Variants in AFF3 observed in about 807,000 individuals in gnomAD.
The protein encoded by AFF3 is ALF transcription elongation factor 3.
Under a neutral mutation model 129.7 loss-of-function variants are expected in AFF3, and 32 were observed. The observed-to-expected ratio is 0.25, with a 90% CI of 0.19 to 0.33. The LOEUF (loss-of-function observed/expected upper bound fraction) is 0.33, where lower values mean the gene tolerates loss of function less well. Among genes scored for constraint, AFF3 ranks in the 10% least tolerant of loss-of-function variants. The probability of loss-of-function intolerance (pLI) is 1.00; values close to 1 mark genes in which losing one functional copy is unlikely to be tolerated. For missense variants in AFF3, 1,373 were observed against 1,592.0 expected (o/e 0.86, Z 2.34); for synonymous variants, 644 against 635.4 (o/e 1.01, Z -0.20).
intron 13 of AFF3, among the ~76,000 whole-genome samples, chr2:99,612,662 C>T (rs1479315982): frequency 1.3e-5 from 2 of 152,148 alleles, no homozygotes; most frequent in East Asian, 3.8e-4. Context: ...TTGCTTTTTC[C>T]CTGGGAGAGG....
chr2:100,062,078 G>C (rs1011606678), intron 4 of AFF3, among the ~76,000 whole-genome samples: 4 of 152,238 alleles, frequency 2.6e-5, no homozygotes, highest in Non-Finnish European at 5.9e-5. Context: ...GCCAGATGTA[G>C]AATTTATGAT....
chr2:99,661,690 T>C (rs538006999), intron 12 of AFF3, among the ~76,000 whole-genome samples: 1 of 152,232 alleles, frequency 6.6e-6, no homozygotes, highest in African/African-American at 2.4e-5. Context: ...CATTTCAATT[T>C]TGGAAATTAT....
chr2:99,687,095 C>T (rs1045962985), intron 11 of AFF3, among the ~76,000 whole-genome samples: 3 of 152,174 alleles, frequency 2.0e-5, no homozygotes, highest in Non-Finnish European at 2.9e-5. Context: ...GTCCCAGGAT[C>T]TTTTAAACAG....
intron 4 of AFF3, among the ~76,000 whole-genome samples, chr2:100,104,023 G>A (rs1184831293): frequency 6.6e-6 from 1 of 151,636 alleles, no homozygotes; most frequent in African/African-American, 2.4e-5. Context: ...AGGAGGGAGG[G>A]GGCGCAGTCG....
intron 7 of AFF3, among the ~76,000 whole-genome samples, chr2:99,903,072 T>C (rs894832339): frequency 6.6e-6 from 1 of 152,158 alleles, no homozygotes; most frequent in African/African-American, 2.4e-5. Context: ...AATAAGTAAA[T>C]AGTTGCTTAG....
rs751448316 is a variant in AFF3 at position 100,123,604 on chromosome 2, G to A, written c.-145+5620C>T. Among the ~76,000 whole-genome samples the A allele has an allele frequency of 5.3e-5, 8 of 152,224 alleles. 1 individual carries two copies. The highest frequency in any genetic ancestry group is 4.6e-4 in the Admixed American group (7 of 15,290). ...CGTTTTGTATTTGTAAAACGGCATC[G>A]ATAGTGTTGAATAGTGTAGAATAAA... On this transcript the variant is annotated intron_variant, in intron 2 of 24. Coordinates refer to ENST00000672756, the MANE Select transcript of AFF3 (RefSeq NM_001386135.1).
At position 100,113,198 on chromosome 2, in the gene AFF3, A is replaced by G. The variant is rs577841535; in HGVS notation, c.-144-7615T>C. Among the ~76,000 whole-genome samples the G allele has an allele frequency of 6.6e-5, 10 of 152,302 alleles. No homozygotes were observed. In the South Asian group the frequency reaches 1.9e-3, roughly 28 times the overall value. On this transcript the variant is annotated intron_variant, in intron 2 of 24. Transcript: ENST00000672756. ...ATCACATAAGTCATTTCAGATATTG[A>G]TTTACTGAACAAACATTATTGAACA...
chr2:100,117,627 T>C (rs1325920231), intron 2 of AFF3, among the ~76,000 whole-genome samples: 1 of 152,266 alleles, frequency 6.6e-6, no homozygotes, highest in East Asian at 1.9e-4. Context: ...CTATCTGTTG[T>C]TTCTGCTGAC....
At chr2:100,139,363 CAT>C (rs1457005698) in intron 1 of AFF3, among the ~76,000 whole-genome samples, 1 of 152,150 alleles carries the variant, frequency 6.6e-6, no homozygotes, top group Admixed American at 6.5e-5. Flanking sequence ...TAATTGGTAA[CAT>C]ATTGCCGATT....
At position 99,999,431 on chromosome 2, in the gene AFF3, A is replaced by G. The variant is rs939585516; in HGVS notation, c.873+7201T>C. ...ACCCAATAAGTATCTATTGAGCACA[A>G]ACTATGTGCCAGGAACCATTAGAGA... On this transcript the variant is annotated intron_variant, in intron 7 of 24. Transcript: ENST00000672756. Among the ~76,000 whole-genome samples the G allele has an allele frequency of 4.6e-5, 7 of 152,312 alleles. No individual in the cohort carries two copies. In the East Asian group the frequency reaches 1.3e-3, roughly 29 times the overall value.
intron 7 of AFF3, among the ~76,000 whole-genome samples, chr2:99,858,496 A>T (rs1299607848): frequency 1.3e-5 from 2 of 152,020 alleles, no homozygotes; most frequent in Admixed American, 1.3e-4. Flanking sequence ...GGCTGCAGTG[A>T]GCCACAATCT....
intron 13 of AFF3, among the ~76,000 whole-genome samples, chr2:99,628,376 TAGGAATACTAG>T (rs2105365228): frequency 6.6e-6 from 1 of 152,232 alleles, no homozygotes; most frequent in South Asian, 2.1e-4. Context: ...TGTTGGTGTA[TAGGAATACTAG>T]TGATTTTTGC....
intron 10 of AFF3, among the ~76,000 whole-genome samples, chr2:99,732,968 T>C (rs1205816276): frequency 2.0e-5 from 3 of 152,234 alleles, no homozygotes; most frequent in African/African-American, 7.2e-5. Flanking sequence ...TGCTCTTCTG[T>C]GTCATTTCTT....
At chr2:99,575,414 A>ATTTTTTTT (rs540441950) in intron 18 of AFF3, among the ~76,000 whole-genome samples, 2,064 of 127,280 alleles carry the variant, frequency 0.016, 66 homozygotes, top group African/African-American at 0.06. Flanking sequence ...TGCCTGGCTA[A>ATTTTTTTT]TTTTTTTTTT....
rs144112315 is a variant in AFF3, at chr2:100,118,784, A to G, written c.-145+10440T>C. 2.4e-3 allele frequency among the ~76,000 whole-genome samples: 363 copies of G among 152,118 alleles called. 3 individuals are homozygous for G. The highest frequency in any genetic ancestry group is 8.2e-3 in the African/African-American group (341 of 41,494). On this transcript the variant is annotated intron_variant, in intron 2 of 24. Coordinates refer to ENST00000672756, the MANE Select transcript of AFF3 (RefSeq NM_001386135.1). Reference sequence around the variant, plus strand: ...AATACTTCCTTGCATTCTTGGATCAATAACAAATTCCAACTAAGGAAAATT... The same window carrying G: ...AATACTTCCTTGCATTCTTGGATCAGTAACAAATTCCAACTAAGGAAAATT...
At chr2:99,701,037 C>T (rs1676807386) in intron 11 of AFF3, among the ~76,000 whole-genome samples, 1 of 152,214 alleles carries the variant, frequency 6.6e-6, no homozygotes, top group South Asian at 2.1e-4. Flanking sequence ...TGACTGACAG[C>T]ATGTCCAGGA....
chr2:100,118,975 A>AT (rs2105550753), intron 2 of AFF3, among the ~76,000 whole-genome samples: 1 of 151,898 alleles, frequency 6.6e-6, no homozygotes, highest in African/African-American at 2.4e-5. Context: ...TAATTTTTGT[A>AT]TTTTTAGCAG....
intron 7 of AFF3, among the ~76,000 whole-genome samples, chr2:99,989,868 G>C (rs1443583559): frequency 6.6e-6 from 1 of 152,092 alleles, no homozygotes; most frequent in Admixed American, 6.5e-5. Context: ...ATCATTATCA[G>C]GTATTAGAAA....
intron 2 of AFF3, chr2:100,107,110 T>C (rs1691337517): frequency 1.0e-6 from 1 of 985,334 alleles, no homozygotes; most frequent in Non-Finnish European, 1.2e-6. Flanking sequence ...GATAGTTGGA[T>C]TGATTATTTC....
Sources: gnomAD v4.1 joint callset for allele counts (sites outside exome capture counted in the v4.1 genomes callset) on GRCh38, gnomAD v4.1.1 for gene constraint, MANE v1.5 for transcripts, NCBI Gene and HGNC (gene_info 2026-07-23, HGNC 2026-07-21) for gene names.